BMPR1B: variants seen among roughly 807,000 people sequenced by gnomAD.
BMPR1B encodes the protein bone morphogenetic protein receptor type 1B.
Under a neutral mutation model 59.1 loss-of-function variants are expected in BMPR1B, and 12 were observed. The ratio of observed to expected loss-of-function variants is 0.20; its 90% confidence interval spans 0.13 to 0.33. The LOEUF is 0.33. BMPR1B is among the 10% of genes least tolerant of loss of function. BMPR1B has a pLI of 1.00. For synonymous variants in BMPR1B, 237 were observed against 207.3 expected, an observed-to-expected ratio of 1.14 and a Z score of -1.23; for missense variants, 550 against 610.9, an observed-to-expected ratio of 0.90 and a Z score of 1.05.
intron 2 of BMPR1B, among the ~76,000 whole-genome samples, chr4:94,929,257 C>T (rs1427519512): frequency 1.3e-5 from 2 of 152,046 alleles, no homozygotes; most frequent in Admixed American, 6.6e-5. Context: ...GTCTTAAAAA[C>T]TTGGGCAGTG....
chr4:95,110,631 A>C (rs995168767), intron 4 of BMPR1B, among the ~76,000 whole-genome samples: 1 of 152,178 alleles, frequency 6.6e-6, no homozygotes, highest in Non-Finnish European at 1.5e-5. Context: ...TACCACACTC[A>C]GCATTCTTCT....
At chr4:94,865,542 C>T (rs994644711) in intron 1 of BMPR1B, among the ~76,000 whole-genome samples, 34 of 151,942 alleles carry the variant, frequency 2.2e-4, no homozygotes, top group African/African-American at 7.0e-4. Flanking sequence ...AGGCGCTCGC[C>T]GCCACCCCTG....
chr4:94,761,710 T>C (rs34016280), intron 1 of BMPR1B, among the ~76,000 whole-genome samples: 109,358 of 152,024 alleles, frequency 0.72, 39,577 homozygotes, highest in African/African-American at 0.79. Context: ...AAGATCATTT[T>C]TAGCTTTTAA....
At position 94,820,341 on chromosome 4, in the gene BMPR1B, A is replaced by G. The variant is rs369693224; in HGVS notation, c.-182-55490A>G. 1.5e-4 allele frequency among the ~76,000 whole-genome samples: 23 copies of G among 152,266 alleles called. No individual in the cohort carries two copies. In the South Asian group the frequency reaches 2.9e-3, roughly 19 times the overall value. On this transcript the variant is annotated intron_variant, in intron 1 of 12. Transcript: ENST00000515059. Reference sequence around the variant, plus strand: ...GGCGTAAAAGTCACCCACAAAAAACATTTGTTTCTTTGGAGAACCTTACAT... The same window carrying G: ...GGCGTAAAAGTCACCCACAAAAAACGTTTGTTTCTTTGGAGAACCTTACAT...
chr4:94,982,336 C>A (rs1721133009), intron 2 of BMPR1B, among the ~76,000 whole-genome samples: 1 of 151,890 alleles, frequency 6.6e-6, no homozygotes, highest in Non-Finnish European at 1.5e-5. Context: ...ACCAAATATT[C>A]AGATAGGAAT....
chr4:94,908,447 C>G (rs75692914), intron 2 of BMPR1B, among the ~76,000 whole-genome samples: 23 of 151,952 alleles, frequency 1.5e-4, no homozygotes, highest in African/African-American at 5.5e-4. Flanking sequence ...TTTCTTCTCT[C>G]AGTGGCCCCG....
chr4:94,945,480 C>T (rs1729673986), intron 2 of BMPR1B, among the ~76,000 whole-genome samples: 1 of 151,990 alleles, frequency 6.6e-6, no homozygotes, highest in Non-Finnish European at 1.5e-5. Flanking sequence ...CTCTGTTGTC[C>T]AGTCTAGAGT....
At chr4:95,090,967 A>C (rs1183477877) in intron 3 of BMPR1B, among the ~76,000 whole-genome samples, 1 of 152,160 alleles carries the variant, frequency 6.6e-6, no homozygotes, top group Non-Finnish European at 1.5e-5. Context: ...GGAATTTGAC[A>C]TTTAGTAAAG....
At chr4:94,956,376 C>G (rs898923422) in intron 2 of BMPR1B, among the ~76,000 whole-genome samples, 1 of 151,952 alleles carries the variant, frequency 6.6e-6, no homozygotes, top group South Asian at 2.1e-4. Context: ...ATGATAACCC[C>G]CTCCCCATAA....
At chr4:94,856,822 C>A (rs1339413298) in intron 1 of BMPR1B, among the ~76,000 whole-genome samples, 4 of 152,122 alleles carry the variant, frequency 2.6e-5, no homozygotes, top group African/African-American at 9.7e-5. Context: ...CCTGAAGATG[C>A]AAGAGGAAAG....
At chr4:94,988,941 C>T (rs527440550) in intron 2 of BMPR1B, among the ~76,000 whole-genome samples, 1 of 152,218 alleles carries the variant, frequency 6.6e-6, no homozygotes, top group South Asian at 2.1e-4. Flanking sequence ...TCTTTCTCCT[C>T]ATTCATTTAC....
At chr4:94,882,007 A>C (rs1283393976) in intron 2 of BMPR1B, among the ~76,000 whole-genome samples, 1 of 152,148 alleles carries the variant, frequency 6.6e-6, no homozygotes, top group Non-Finnish European at 1.5e-5. Context: ...TCATCTCTAA[A>C]AGATTGTGAT....
rs1219077658 is a variant in BMPR1B, at chr4:95,104,263, A to T, written c.-17-145A>T. On this transcript the variant is annotated intron_variant, in intron 3 of 12. Coordinates refer to ENST00000515059, the MANE Select transcript of BMPR1B (RefSeq NM_001203.3). ...TAGGTAAAAGACATGATTTTAATCAAAATACCAAAATGTCTGTTTTTCTGT... is the reference window on the plus strand; with the variant it reads ...TAGGTAAAAGACATGATTTTAATCATAATACCAAAATGTCTGTTTTTCTGT... The T allele has an allele frequency of 1.1e-5, 11 of 980,066 alleles. No homozygotes were observed. In the South Asian group the frequency reaches 1.7e-4, roughly 15 times the overall value. 60.7% of individuals were successfully genotyped at this position (980,066 alleles called of 1,614,324 possible).
At chr4:95,105,871 T>C (rs900688062) in intron 4 of BMPR1B, among the ~76,000 whole-genome samples, 5 of 151,980 alleles carry the variant, frequency 3.3e-5, no homozygotes, top group South Asian at 2.1e-4. Context: ...AAAGCAAAAT[T>C]AGCAGGAGCA....
chr4:94,796,051 A>G (rs13141292), intron 1 of BMPR1B, among the ~76,000 whole-genome samples: 47,475 of 149,836 alleles, frequency 0.32, 8,046 homozygotes, highest in African/African-American at 0.45. Context: ...TGCAACCTCT[A>G]CCTCCTGGGT....
At chr4:94,968,279 A>G (rs1730632487) in intron 2 of BMPR1B, among the ~76,000 whole-genome samples, 2 of 152,118 alleles carry the variant, frequency 1.3e-5, no homozygotes, top group African/African-American at 4.8e-5. Flanking sequence ...TCTTTATGGC[A>G]AGATCTCAGT....
At position 95,139,529 on chromosome 4, in the gene BMPR1B, C is replaced by T. The variant is rs529456962; in HGVS notation, c.1076+8017C>T. ...CCCCCAGAGGTGGAGTCTACAGAGG[C>T]AGGCAGGCGTCCTTGAGCTGCAGTG... On this transcript the variant is annotated intron_variant, in intron 10 of 12. Coordinates refer to ENST00000515059, the MANE Select transcript of BMPR1B (RefSeq NM_001203.3). 4.6e-5 allele frequency among the ~76,000 whole-genome samples: 7 copies of T among 152,352 alleles called. 1 individual carries two copies. In the South Asian group the frequency reaches 1.4e-3, roughly 32 times the overall value.
chr4:94,833,712 T>G (rs1305301529), intron 1 of BMPR1B, among the ~76,000 whole-genome samples: 1 of 152,136 alleles, frequency 6.6e-6, no homozygotes, highest in Non-Finnish European at 1.5e-5. Context: ...TACAACTGGG[T>G]TATTTGTTTT....
At chr4:94,796,803 G>A (rs184739927) in intron 1 of BMPR1B, among the ~76,000 whole-genome samples, 2 of 152,074 alleles carry the variant, frequency 1.3e-5, no homozygotes, top group Non-Finnish European at 1.5e-5. Flanking sequence ...TGGGTGTTAA[G>A]GAGGCAACAA....
Sources: gnomAD v4.1 joint callset for allele counts (sites outside exome capture counted in the v4.1 genomes callset) on GRCh38, gnomAD v4.1.1 for gene constraint, MANE v1.5 for transcripts, NCBI Gene and HGNC (gene_info 2026-07-23, HGNC 2026-07-21) for gene names.